Variants in RING1 observed in about 807,000 individuals in gnomAD.
The protein encoded by RING1 is ring finger protein 1, also known as E3 ubiquitin-protein ligase RING1.
RING1 carries 8 observed loss-of-function variants against 35.0 expected under a neutral mutation model. The observed-to-expected ratio is 0.23, with a 90% CI of 0.13 to 0.41. The LOEUF (loss-of-function observed/expected upper bound fraction) is 0.41. Among genes scored for constraint, RING1 ranks in the 10% least tolerant of loss-of-function variants. RING1 has a pLI of 1.00. For missense variants in RING1, 343 were observed against 546.8 expected (o/e 0.63, Z 3.72); for synonymous variants, 214 against 224.3 (o/e 0.95, Z 0.41).
At chr6:33,212,031 G>A (rs936230011) in intron 6 of RING1, 29 bp downstream of exon 6, 2 of 1,471,718 alleles carry the variant, frequency 1.4e-6, no homozygotes, top group Non-Finnish European at 1.8e-6. Flanking sequence ...AGTGGTAGAA[G>A]AGGGGAGAGG....
rs777376031 is a variant in RING1 at position 33,209,397 on chromosome 6, G to C, written c.79-229G>C. Among the ~76,000 whole-genome samples, 1 of 152,176 alleles carries C rather than the reference G, an allele frequency of 6.6e-6. No homozygotes were observed. Among genetic ancestry groups the C allele is most frequent in the Non-Finnish European group, 1.5e-5 (1 of 68,030 alleles). On this transcript the variant is annotated intron_variant, in intron 2 of 6. Coordinates refer to ENST00000374656, the MANE Select transcript of RING1 (RefSeq NM_002931.4). This position sits in a 1 kb window ranked among gnomAD's most constrained non-coding sequence, Gnocchi z 5.1. ...ACTCCTAGGCCACTTAGCCACCTCA[G>C]ATCCTCCTATTCCAAAGCTCCTACT...
chr6:33,212,069 C>A, intron 6 of RING1, 67 bp downstream of exon 6: 1 of 1,285,828 alleles, frequency 7.8e-7, no homozygotes, highest in Non-Finnish European at 1.1e-6. Context: ...CCACATAGAA[C>A]CATGAGCCTG....
At position 33,211,274 on chromosome 6, in the gene RING1, C is replaced by T; in HGVS notation, c.572C>T (p.Ala191Val). 3 of 1,612,846 alleles carry T rather than the reference C, an allele frequency of 1.9e-6. No homozygotes were observed. The highest frequency in any genetic ancestry group is 2.5e-6 in the Non-Finnish European group (3 of 1,179,922). Residue 191 changes from alanine (A) to valine (V), a missense_variant, in exon 5 of 7, where the codon GCC becomes GTC. By Grantham distance (64) the Ala-to-Val change is moderately conservative. Transcript: ENST00000374656. The surrounding 1 kb of genome is among the most constrained non-coding windows in gnomAD (Gnocchi z 6.3). ...GDGEDVSSDSAPDSAPGPAPK... is the reference protein window; with the variant it reads ...GDGEDVSSDSVPDSAPGPAPK... ...GGAGAAGATGTGAGCTCAGACTCCG[C>T]CCCTGACTCTGCCCCAGGCCCTGCT...
At position 33,211,053 on chromosome 6, in the gene RING1, T is replaced by C; in HGVS notation, c.456-105T>C. The C allele has an allele frequency of 1.6e-6, 2 of 1,277,836 alleles. No individual in the cohort carries two copies. The highest frequency in any genetic ancestry group is 2.1e-6 in the Non-Finnish European group (2 of 932,284). The allele number at this position is 1,277,836 out of a possible 1,614,324, so 79.2% of individuals were successfully genotyped here. ...CTTAGCACATTGTGTTTAATAAATATTAGGTATCGTCATTAGGATTTTTCT... is the reference window on the plus strand; with the variant it reads ...CTTAGCACATTGTGTTTAATAAATACTAGGTATCGTCATTAGGATTTTTCT... On this transcript the variant is annotated intron_variant, in intron 4 of 6. Coordinates refer to ENST00000374656, the MANE Select transcript of RING1 (RefSeq NM_002931.4). The surrounding 1 kb of genome is among the most constrained non-coding windows in gnomAD (Gnocchi z 6.3).
Position 33,210,087 on chromosome 6 carries a change from A to G in RING1, c.412A>G (p.Ser138Gly). 6.2e-7 allele frequency: 1 copy of G among 1,614,198 alleles called. No homozygotes were observed. Among genetic ancestry groups the G allele is most frequent in the Non-Finnish European group, 8.5e-7 (1 of 1,180,032 alleles). ...CCGCCTGCACAACCAGCAGGCATTG[A>G]GCTCCAGCATTGAGGAGGGGCTACG... ...LSRLHNQQAL[S>G]SSIEEGLRMQ... The change falls in exon 4 of 7, where the codon AGC (serine) becomes GGC (glycine). Residue 138 changes from serine (S) to glycine (G), a missense_variant. Around this residue, in one of 2 missense-constraint regions of RING1, gnomAD observed 278 missense variants for 383.5 expected, o/e 0.72. Transcript: ENST00000374656.
chr6:33,211,822 A>C lies in RING1; in HGVS notation c.939A>C (p.Ala313=). The C allele has an allele frequency of 6.2e-7, 1 of 1,607,326 alleles. No individual in the cohort carries two copies. The highest frequency in any genetic ancestry group is 8.5e-7 in the Non-Finnish European group (1 of 1,176,558). Residue 313 remains alanine, a synonymous_variant, in exon 6 of 7, where the codon GCA becomes GCC. Transcript: ENST00000374656. The surrounding 1 kb of genome is among the most constrained non-coding windows in gnomAD (Gnocchi z 6.3). The stretch of plus-strand genomic sequence containing the variant: ...TCGAGCGGAGGCAACAGCAGGAAGC[A>C]GGGGAGCCAGGAGGGCCTGGAGGGG... ...IALERRQQQE[A]GEPGGPGGGA...
In RING1 at chr6:33,208,642, TG is replaced by T. The variant is rs1375731469; in HGVS notation, c.-59+1del. 9.0e-6 allele frequency: 5 copies of T among 553,212 alleles called. No homozygotes were observed. The highest frequency in any genetic ancestry group is 1.6e-5 in the Non-Finnish European group (5 of 322,382). 34.3% of individuals were successfully genotyped at this position (553,212 alleles called of 1,614,324 possible). On this transcript the variant is annotated splice_region_variant and 5_prime_UTR_variant, in exon 1 of 7. Transcript: ENST00000374656. This position sits in a 1 kb window ranked among gnomAD's most constrained non-coding sequence, Gnocchi z 6.2. ...CGGCGGGAGCGCGAACGGCTGGAGCTGGGTGAGGGGCAGTGCCGGCGCGGGG... is the reference window on the plus strand; with the variant it reads ...CGGCGGGAGCGCGAACGGCTGGAGCTGGTGAGGGGCAGTGCCGGCGCGGGG...
At position 33,209,695 on chromosome 6, in the gene RING1, A is replaced by G. The variant is rs1304546506; in HGVS notation, c.148A>G (p.Ile50Val). The change falls in exon 3 of 7, where the codon ATC becomes GTC. Residue 50 changes from isoleucine to valine, a missense_variant. Ile to Val is a conservative substitution (Grantham distance 29, BLOSUM62 3). This residue lies in a region of RING1 where 65 missense variants were observed against 163.3 expected (regional missense o/e 0.40). Transcript: ENST00000374656. This position sits in a 1 kb window ranked among gnomAD's most constrained non-coding sequence, Gnocchi z 5.1. ...ACTGCATTCAGAACTCATGTGCCCT[A>G]TCTGCCTGGACATGCTGAAGAATAC... is the stretch of plus-strand genomic sequence containing the variant. ...RSLHSELMCP[I>V]CLDMLKNTMT... 2.5e-6 allele frequency: 4 copies of G among 1,613,126 alleles called. No individual in the cohort carries two copies. Among genetic ancestry groups the G allele is most frequent in the Non-Finnish European group, 3.4e-6 (4 of 1,180,026 alleles).
Position 33,211,536 on chromosome 6 carries a change from C to T in RING1, c.834C>T (p.Tyr278=), listed in dbSNP as rs1241185122. Residue 278 remains tyrosine, a synonymous_variant, in exon 5 of 7, where the codon TAC becomes TAT. Transcript: ENST00000374656. The surrounding 1 kb of genome is among the most constrained non-coding windows in gnomAD (Gnocchi z 6.3). Reference sequence around the variant, plus strand: ...CCCTGCTCGTGGAGAAGGGAGAATACTGCCAGACGAGGTGAGGAGCCCTGT... The same window carrying T: ...CCCTGCTCGTGGAGAAGGGAGAATATTGCCAGACGAGGTGAGGAGCCCTGT... ...PHPLLVEKGE[Y]CQTRYVKTTG... 1 of 1,611,520 alleles carries T rather than the reference C, an allele frequency of 6.2e-7. No homozygotes were observed. Among genetic ancestry groups the T allele is most frequent in the Non-Finnish European group, 8.5e-7 (1 of 1,179,920 alleles).
chr6:33,209,721 G>A lies in RING1; in HGVS notation c.174G>A (p.Thr58=), dbSNP rs1357637861. The change falls in exon 3 of 7, where the codon ACG becomes ACA. Residue 58 remains threonine (T), a synonymous_variant. Transcript: ENST00000374656. The surrounding 1 kb of genome is among the most constrained non-coding windows in gnomAD (Gnocchi z 5.1). ...CPICLDMLKN[T]MTTKECLHRF... ...TCTGCCTGGACATGCTGAAGAATAC[G>A]ATGACCACCAAGGAGTGCCTCCACA... is the stretch of plus-strand genomic sequence containing the variant. 8 of 1,613,270 alleles carry A rather than the reference G, an allele frequency of 5.0e-6. No individual in the cohort carries two copies. The highest frequency in any genetic ancestry group is 2.2e-5 in the East Asian group (1 of 44,880).
chr6:33,212,073 G>C (rs1183530010), intron 6 of RING1, 71 bp downstream of exon 6: 1 of 1,250,638 alleles, frequency 8.0e-7, no homozygotes, highest in Non-Finnish European at 1.1e-6. Context: ...ATAGAACCAT[G>C]AGCCTGGTCT....
At position 33,209,132 on chromosome 6, in the gene RING1, C is replaced by T; in HGVS notation, c.78+232C>T. ...TTATCTTCATTTGAAAGATCACAAA[C>T]ACAAAAATTACCTTCCCTGTTCCTC... On this transcript the variant is annotated intron_variant, in intron 2 of 6. Transcript: ENST00000374656. The surrounding 1 kb of genome is among the most constrained non-coding windows in gnomAD (Gnocchi z 5.1). The T allele has an allele frequency of 1.4e-6, 1 of 697,592 alleles. No individual in the cohort carries two copies. Among genetic ancestry groups the T allele is most frequent in the African/African-American group, 1.7e-5 (1 of 57,254 alleles). The allele number at this position is 697,592 out of a possible 1,614,324, so 43.2% of individuals were successfully genotyped here.
intron 4 of RING1, 37 bp downstream of exon 4, chr6:33,210,167 G>A (rs962691999): frequency 2.7e-5 from 42 of 1,581,122 alleles, no homozygotes; most frequent in Non-Finnish European, 3.4e-5. Context: ...CTGATGGGAT[G>A]GGTCCGTGGG....
In RING1 at chr6:33,211,366, G is replaced by A. The variant is rs763884906; in HGVS notation, c.664G>A (p.Gly222Arg). 1 of 1,561,722 alleles carries A rather than the reference G, an allele frequency of 6.4e-7. No homozygotes were observed. Among genetic ancestry groups the A allele is most frequent in the South Asian group, 1.1e-5 (1 of 87,174 alleles). The change falls in exon 5 of 7, where the codon GGG becomes AGG. Residue 222 changes from glycine (G) to arginine (R), a missense_variant. Coordinates refer to ENST00000374656, the MANE Select transcript of RING1 (RefSeq NM_002931.4). This position sits in a 1 kb window ranked among gnomAD's most constrained non-coding sequence, Gnocchi z 6.3. Reference sequence around the variant, plus strand: ...AGGGACAGGGGGAGGCGGCACTGGTGGGGTGGGTGGGGGTGCCGGTTCGGA... The same window carrying A: ...AGGGACAGGGGGAGGCGGCACTGGTAGGGTGGGTGGGGGTGCCGGTTCGGA... ...SVGTGGGGTGGVGGGAGSEDS... is the reference protein window; with the variant it reads ...SVGTGGGGTGRVGGGAGSEDS...
Position 33,209,154 on chromosome 6 carries a change from C to T in RING1, c.78+254C>T. 1.4e-6 allele frequency: 1 copy of T among 689,688 alleles called. No individual in the cohort carries two copies. Among genetic ancestry groups the T allele is most frequent in the Non-Finnish European group, 2.6e-6 (1 of 377,422 alleles). The allele number at this position is 689,688 out of a possible 1,614,324, so 42.7% of individuals were successfully genotyped here. ...AAACACAAAAATTACCTTCCCTGTTCCTCATTCAGTGTCATAAGTCAGTGC... is the reference window on the plus strand; with the variant it reads ...AAACACAAAAATTACCTTCCCTGTTTCTCATTCAGTGTCATAAGTCAGTGC... On this transcript the variant is annotated intron_variant, in intron 2 of 6. Transcript: ENST00000374656. The surrounding 1 kb of genome is among the most constrained non-coding windows in gnomAD (Gnocchi z 5.1).
Position 33,211,544 on chromosome 6 carries a change from C to T in RING1, c.842C>T (p.Thr281Met), listed in dbSNP as rs765319932. 9.9e-6 allele frequency: 16 copies of T among 1,610,704 alleles called. No homozygotes were observed. Among genetic ancestry groups the T allele is most frequent in the Admixed American group, 6.7e-5 (4 of 59,828 alleles). The change falls in exon 5 of 7, where the codon ACG (threonine) becomes ATG (methionine). Residue 281 changes from threonine to methionine, a missense_variant. By Grantham distance (81) the Thr-to-Met change is moderately conservative. Transcript: ENST00000374656. This position sits in a 1 kb window ranked among gnomAD's most constrained non-coding sequence, Gnocchi z 6.3. ...GTGGAGAAGGGAGAATACTGCCAGA[C>T]GAGGTGAGGAGCCCTGTCTTTCCCC... ...LLVEKGEYCQ[T>M]RYVKTTGNAT...
At chr6:33,210,220 G>A (rs2150704558) in intron 4 of RING1, 90 bp downstream of exon 4, 3 of 1,186,096 alleles carry the variant, frequency 2.5e-6, no homozygotes, top group East Asian at 5.0e-5. Flanking sequence ...CAGCATCCTA[G>A]GAGCTGACCA....
At position 33,211,889 on chromosome 6, in the gene RING1, G is replaced by T; in HGVS notation, c.1006G>T (p.Gly336Cys). The T allele has an allele frequency of 6.2e-7, 1 of 1,606,904 alleles. No individual in the cohort carries two copies. The highest frequency in any genetic ancestry group is 1.1e-5 in the South Asian group (1 of 90,502). The change falls in exon 6 of 7, where the codon GGT (glycine) becomes TGT (cysteine). Residue 336 changes from glycine to cysteine, a missense_variant. Coordinates refer to ENST00000374656, the MANE Select transcript of RING1 (RefSeq NM_002931.4). The surrounding 1 kb of genome is among the most constrained non-coding windows in gnomAD (Gnocchi z 6.3). ...TGGPDGCGGE[G>C]GGAGGGDGPE... ...AGGACCTGATGGGTGTGGCGGGGAGGGTGGGGGTGCCGGAGGAGGTGACGG... is the reference window on the plus strand; with the variant it reads ...AGGACCTGATGGGTGTGGCGGGGAGTGTGGGGGTGCCGGAGGAGGTGACGG...
Position 33,211,933 on chromosome 6 carries a change from G to T in RING1, c.1050G>T (p.Leu350Phe). 6.3e-7 allele frequency: 1 copy of T among 1,595,274 alleles called. No homozygotes were observed. Among genetic ancestry groups the T allele is most frequent in the Non-Finnish European group, 8.5e-7 (1 of 1,171,046 alleles). The stretch of plus-strand genomic sequence containing the variant: ...GTGACGGTCCTGAGGAGCCTGCTTT[G>T]CCCAGCCTGGAGGGCGTCAGTGAAA... ...GGGDGPEEPA[L>F]PSLEGVSEKQ... Residue 350 changes from leucine to phenylalanine, a missense_variant, in exon 6 of 7, where the codon TTG becomes TTT. Physicochemically the swap from Leu to Phe is conservative, Grantham distance 22 (BLOSUM62 0). Transcript: ENST00000374656. The surrounding 1 kb of genome is among the most constrained non-coding windows in gnomAD (Gnocchi z 6.3).
Sources: allele counts gnomAD v4.1 joint callset (sites outside exome capture counted in the v4.1 genomes callset), GRCh38; gene constraint gnomAD v4.1.1; regional missense constraint gnomAD v4.1.1; non-coding constraint Gnocchi (gnomAD v3.1); transcripts MANE v1.5; gene names NCBI Gene and HGNC (gene_info 2026-07-23, HGNC 2026-07-21).